Variants in MCC observed in about 807,000 individuals in gnomAD.
MCC encodes the protein MCC regulator of Wnt signaling pathway.
Under a neutral mutation model 116.2 loss-of-function variants are expected in MCC, and 90 were observed. The observed-to-expected ratio is 0.77, with a 90% CI of 0.65 to 0.92. The LOEUF is 0.92. MCC is among the 40% of genes least tolerant of loss of function. The probability of loss-of-function intolerance (pLI) is 0.00; values close to 1 mark genes in which losing one functional copy is unlikely to be tolerated. For synonymous variants in MCC, 578 were observed against 510.5 expected, an observed-to-expected ratio of 1.13 and a Z score of -1.78; for missense variants, 1,516 against 1,312.2, an observed-to-expected ratio of 1.16 and a Z score of -2.40.
intron 12 of MCC, 36 bp downstream of exon 12, chr5:113,071,058 C>G: frequency 1.3e-6 from 2 of 1,598,562 alleles, no homozygotes; most frequent in Non-Finnish European, 1.7e-6. Context: ...GCACTTCTAC[C>G]CTGAAGTAGC....
chr5:113,431,775 G>GA (rs1353310596), intron 1 of MCC, among the ~76,000 whole-genome samples: 3 of 128,658 alleles, frequency 2.3e-5, no homozygotes, highest in Non-Finnish European at 3.5e-5. Context: ...GGGGGGGGGG[G>GA]GTGGATCACG....
intron 1 of MCC, among the ~76,000 whole-genome samples, chr5:113,456,723 G>C (rs909453287): frequency 7.0e-6 from 1 of 143,374 alleles, no homozygotes; most frequent in Non-Finnish European, 1.5e-5. Context: ...CACCTGCCTC[G>C]GCCTCCCAAA....
intron 8 of MCC, among the ~76,000 whole-genome samples, chr5:113,099,723 T>G (rs1276302632): frequency 6.6e-6 from 1 of 152,176 alleles, no homozygotes; most frequent in Non-Finnish European, 1.5e-5. Context: ...CGCACTGTGC[T>G]ATTCTTAATA....
At chr5:113,302,438 A>T (rs946987785) in intron 3 of MCC, among the ~76,000 whole-genome samples, 3 of 152,230 alleles carry the variant, frequency 2.0e-5, no homozygotes, top group Non-Finnish European at 4.4e-5. Context: ...ATCCTGATTC[A>T]AACAAAGTAA....
intron 17 of MCC, among the ~76,000 whole-genome samples, chr5:113,039,229 T>C (rs1476837335): frequency 6.6e-6 from 1 of 152,202 alleles, no homozygotes; most frequent in Non-Finnish European, 1.5e-5. Context: ...TACTTATTTA[T>C]TTTTTAAAGA....
intron 1 of MCC, among the ~76,000 whole-genome samples, chr5:113,387,656 G>A (rs1435315277): frequency 1.3e-5 from 2 of 152,226 alleles, no homozygotes; most frequent in Admixed American, 6.5e-5. Context: ...CATTTTTCCT[G>A]TCTGTGTATT....
intron 3 of MCC, among the ~76,000 whole-genome samples, chr5:113,166,260 A>G (rs1760761354): frequency 6.6e-6 from 1 of 152,352 alleles, no homozygotes; most frequent in East Asian, 1.9e-4. Context: ...AAAAATATCA[A>G]AAGAAAATCT....
intron 11 of MCC, among the ~76,000 whole-genome samples, chr5:113,072,750 T>C (rs886404658): frequency 4.2e-4 from 64 of 152,332 alleles, no homozygotes; most frequent in African/African-American, 1.5e-3. Flanking sequence ...GGGTGATTTC[T>C]ATCCAGTCCC....
chr5:113,236,874 G>A (rs941231031), intron 3 of MCC, among the ~76,000 whole-genome samples: 1 of 152,162 alleles, frequency 6.6e-6, no homozygotes, highest in Non-Finnish European at 1.5e-5. Flanking sequence ...GCTGGACCAG[G>A]AGAGCATTCC....
rs192777070 is a variant in MCC at position 113,195,233 on chromosome 5, G to C, written c.628-43811C>G. ...TGCTGCAACAGCAGCATTCTCAACA[G>C]TGTGTGCTCGGAAGGGGTGACCAGT... On this transcript the variant is annotated intron_variant, in intron 3 of 18. Transcript: ENST00000408903. Among the ~76,000 whole-genome samples, 26 of 152,364 alleles carry C rather than the reference G, an allele frequency of 1.7e-4. 1 individual carries two copies. The highest frequency in any genetic ancestry group is 6.3e-4 in the African/African-American group (26 of 41,582).
At chr5:113,285,168 T>G (rs1766200848) in intron 3 of MCC, among the ~76,000 whole-genome samples, 1 of 152,186 alleles carries the variant, frequency 6.6e-6, no homozygotes, top group South Asian at 2.1e-4. Flanking sequence ...TGATACAGTT[T>G]GAAAGTTTGG....
At chr5:113,292,097 T>C (rs1372957171) in intron 3 of MCC, among the ~76,000 whole-genome samples, 1 of 152,162 alleles carries the variant, frequency 6.6e-6, no homozygotes, top group Non-Finnish European at 1.5e-5. Flanking sequence ...CTGGGCGTAG[T>C]GGCACATGCC....
chr5:113,277,171 C>T (rs931995564), intron 3 of MCC, among the ~76,000 whole-genome samples: 6 of 150,486 alleles, frequency 4.0e-5, no homozygotes, highest in Middle Eastern at 3.4e-3. Context: ...GGTGAAACCC[C>T]ATCTCTACTA....
At chr5:113,195,238 T>G (rs751674141) in intron 3 of MCC, among the ~76,000 whole-genome samples, 2 of 152,220 alleles carry the variant, frequency 1.3e-5, no homozygotes, top group Non-Finnish European at 2.9e-5. Flanking sequence ...CAACAGTGTG[T>G]GCTCGGAAGG....
intron 9 of MCC, 71 bp downstream of exon 9, chr5:113,085,093 C>T: frequency 1.2e-6 from 2 of 1,606,198 alleles, no homozygotes; most frequent in South Asian, 1.1e-5. Context: ...TGTACAGTGG[C>T]TAGGATGAGC....
At chr5:113,380,343 C>T (rs928028315) in intron 2 of MCC, among the ~76,000 whole-genome samples, 1 of 152,180 alleles carries the variant, frequency 6.6e-6, no homozygotes, top group Admixed American at 6.5e-5. Context: ...CTGTACCATT[C>T]GATGGCTTCC....
intron 1 of MCC, among the ~76,000 whole-genome samples, chr5:113,403,177 G>C (rs1769740127): frequency 6.6e-6 from 1 of 152,076 alleles, no homozygotes; most frequent in Admixed American, 6.5e-5. Flanking sequence ...TTATAGATTA[G>C]AGACCAGTGT....
intron 3 of MCC, among the ~76,000 whole-genome samples, chr5:113,301,734 G>T (rs1160812922): frequency 2.6e-5 from 4 of 152,164 alleles, no homozygotes; most frequent in Non-Finnish European, 5.9e-5. Context: ...AGGGCAAAAA[G>T]CCTAGGGAAA....
chr5:113,159,882 T>C (rs1561413896), intron 3 of MCC, among the ~76,000 whole-genome samples: 1 of 152,240 alleles, frequency 6.6e-6, no homozygotes, highest in Admixed American at 6.5e-5. Flanking sequence ...AAATATAATC[T>C]AAATTATAAA....
Sources: allele counts gnomAD v4.1 joint callset (sites outside exome capture counted in the v4.1 genomes callset), GRCh38; gene constraint gnomAD v4.1.1; transcripts MANE v1.5; gene names NCBI Gene and HGNC (gene_info 2026-07-23, HGNC 2026-07-21).